Variants in ANO3 observed in about 807,000 individuals in gnomAD.
ANO3 encodes anoctamin-3.
Under a neutral mutation model 144.8 loss-of-function variants are expected in ANO3, and 99 were observed. That is an observed-to-expected ratio of 0.68 (90% CI 0.58 to 0.81). ANO3 has a LOEUF of 0.81. ANO3 is among the 30% of genes least tolerant of loss of function. The pLI, the probability that ANO3 is intolerant of heterozygous loss-of-function variation, is 0.00. For missense variants in ANO3, 905 were observed against 1,202.2 expected (o/e 0.75, Z 3.66); for synonymous variants, 414 against 392.6 (o/e 1.05, Z -0.64).
chr11:26,413,039 A>G (rs1857475176), intron 1 of ANO3, among the ~76,000 whole-genome samples: 1 of 151,716 alleles, frequency 6.6e-6, no homozygotes, highest in Admixed American at 6.6e-5. Context: ...TTTTAAAGAG[A>G]CTCATGAGAG....
chr11:26,541,796 C>T (rs2134205424), intron 10 of ANO3, 151 bp from the exon 11 acceptor site: 1 of 545,850 alleles, frequency 1.8e-6, no homozygotes, highest in Non-Finnish European at 3.0e-6. Flanking sequence ...TAAAGGCATC[C>T]ATCACATCAT....
intron 1 of ANO3, among the ~76,000 whole-genome samples, chr11:26,223,236 G>A (rs768242625): frequency 3.3e-5 from 5 of 152,124 alleles, no homozygotes; most frequent in East Asian, 1.9e-4. Context: ...ACCCTGAGTC[G>A]TCATTATTAT....
chr11:26,241,846 C>T (rs566891461), intron 1 of ANO3, among the ~76,000 whole-genome samples: 1 of 152,142 alleles, frequency 6.6e-6, no homozygotes, highest in Non-Finnish European at 1.5e-5. Context: ...GGTTTCCTAC[C>T]CAGGCAGTAT....
At chr11:26,604,848 A>G (rs546062565) in intron 17 of ANO3, among the ~76,000 whole-genome samples, 5 of 152,334 alleles carry the variant, frequency 3.3e-5, no homozygotes, top group Admixed American at 6.5e-5. Flanking sequence ...ATGTAGAATC[A>G]TGTCATCTGC....
At chr11:26,652,457 C>A (rs1358578959) in intron 24 of ANO3, among the ~76,000 whole-genome samples, 5 of 152,136 alleles carry the variant, frequency 3.3e-5, no homozygotes, top group African/African-American at 9.7e-5. Context: ...CTCCAAGTTC[C>A]TAGAAATAGA....
intron 1 of ANO3, among the ~76,000 whole-genome samples, chr11:26,355,704 C>T (rs1242451957): frequency 2.0e-5 from 3 of 150,996 alleles, no homozygotes; most frequent in African/African-American, 7.4e-5. Context: ...GGATTACAGG[C>T]GCCCCCCACC....
intron 1 of ANO3, among the ~76,000 whole-genome samples, chr11:26,413,153 G>A (rs1245790112): frequency 6.6e-6 from 1 of 151,962 alleles, no homozygotes; most frequent in Non-Finnish European, 1.5e-5. Context: ...GTAGTACTGT[G>A]TTTTGGCTTG....
intron 14 of ANO3, among the ~76,000 whole-genome samples, chr11:26,563,676 A>G (rs1481334864): frequency 1.3e-5 from 2 of 151,900 alleles, no homozygotes; most frequent in Non-Finnish European, 2.9e-5. Context: ...TCAAAGGTTA[A>G]AAGCCAATAG....
At chr11:26,590,493 G>GGTGGGCTGCTCCCAAGATGGC (rs1355390691) in intron 14 of ANO3, among the ~76,000 whole-genome samples, 1 of 152,094 alleles carries the variant, frequency 6.6e-6, no homozygotes, top group East Asian at 1.9e-4. Context: ...CCCAAGATGG[G>GGTGGGCTGCTCCCAAGATGGC]GTGGGCTGCT....
chr11:26,632,309 G>A (rs1852809305), intron 18 of ANO3, among the ~76,000 whole-genome samples: 1 of 151,482 alleles, frequency 6.6e-6, no homozygotes, highest in South Asian at 2.1e-4. Flanking sequence ...GCAGTCAGGA[G>A]TTCGAGACCA....
At chr11:26,225,302 A>G (rs904885990) in intron 1 of ANO3, among the ~76,000 whole-genome samples, 2 of 151,926 alleles carry the variant, frequency 1.3e-5, no homozygotes, top group Non-Finnish European at 2.9e-5. Flanking sequence ...TAATAATACA[A>G]GATTATAAAT....
intron 1 of ANO3, among the ~76,000 whole-genome samples, chr11:26,258,969 T>C (rs1853121109): frequency 1.3e-5 from 2 of 152,214 alleles, no homozygotes; most frequent in Admixed American, 1.3e-4. Flanking sequence ...CACAGTGACA[T>C]ATTCATGGAG....
chr11:26,260,525 G>A (rs998045949), intron 1 of ANO3, among the ~76,000 whole-genome samples: 2 of 151,774 alleles, frequency 1.3e-5, no homozygotes, highest in Non-Finnish European at 2.9e-5. Context: ...GCATGGAACA[G>A]TCCTTAAGGG....
intron 20 of ANO3, among the ~76,000 whole-genome samples, chr11:26,637,656 C>T (rs1307351388): frequency 2.0e-5 from 3 of 152,148 alleles, no homozygotes; most frequent in Admixed American, 6.5e-5. Flanking sequence ...AAGAGGTTTG[C>T]TTGGATGCGA....
intron 4 of ANO3, among the ~76,000 whole-genome samples, chr11:26,468,263 T>A (rs1565043259): frequency 6.6e-6 from 1 of 151,966 alleles, no homozygotes; most frequent in Non-Finnish European, 1.5e-5. Context: ...GCTGGGATAT[T>A]TCACGGGTCC....
chr11:26,430,270 T>C (rs1858045609), intron 1 of ANO3, among the ~76,000 whole-genome samples: 1 of 151,724 alleles, frequency 6.6e-6, no homozygotes, highest in Admixed American at 6.6e-5. Context: ...AAGTAAGTCT[T>C]AAAGGTTTAA....
In ANO3 at chr11:26,537,422, A is replaced by G. The variant is rs1330071048; in HGVS notation, c.993A>G (p.Ile331Met). 3.1e-6 allele frequency: 5 copies of G among 1,613,614 alleles called. No homozygotes were observed. The highest frequency in any genetic ancestry group is 1.7e-5 in the Admixed American group (1 of 60,010). ...GISKVGIRKL[I>M]NNGSYIAAFP... Reference sequence around the variant, plus strand: ...TCTTTGCAGGTATCCGTAAACTTATAAACAATGGCTCATACATAGCAGCGT... The same window carrying G: ...TCTTTGCAGGTATCCGTAAACTTATGAACAATGGCTCATACATAGCAGCGT... Residue 331 changes from isoleucine (I) to methionine (M), a missense_variant, in exon 10 of 27, where the codon ATA (isoleucine) becomes ATG (methionine). This residue lies in a region of ANO3 where 597 missense variants were observed against 865.1 expected (regional missense o/e 0.69). Transcript: ENST00000256737.
At chr11:26,213,191 A>C (rs1412767793) in intron 1 of ANO3, among the ~76,000 whole-genome samples, 1 of 152,194 alleles carries the variant, frequency 6.6e-6, no homozygotes, top group African/African-American at 2.4e-5. Flanking sequence ...AAATGGGCAC[A>C]AGCTGGAAAC....
chr11:26,589,336 T>A (rs1323945919), intron 14 of ANO3, among the ~76,000 whole-genome samples: 1 of 141,420 alleles, frequency 7.1e-6, no homozygotes, highest in Non-Finnish European at 1.6e-5. Flanking sequence ...GAACATTGTA[T>A]TTTTTTTCTA....
Sources: allele counts gnomAD v4.1 joint callset (sites outside exome capture counted in the v4.1 genomes callset), GRCh38; gene constraint gnomAD v4.1.1; regional missense constraint gnomAD v4.1.1; transcripts MANE v1.5; gene names NCBI Gene and HGNC (gene_info 2026-07-23, HGNC 2026-07-21).